Variants in TRAM2 observed in about 807,000 individuals in gnomAD.
TRAM2 encodes translocating chain-associated membrane protein 2.
A neutral mutation model predicts 51.0 loss-of-function variants in TRAM2; 12 were observed. The ratio of observed to expected loss-of-function variants is 0.24; its 90% CI spans 0.15 to 0.38. The LOEUF (loss-of-function observed/expected upper bound fraction) is 0.38. Among genes scored for constraint, TRAM2 ranks in the 10% least tolerant of loss-of-function variants. TRAM2 has a pLI of 1.00. For missense variants in TRAM2, 361 were observed against 462.0 expected (o/e 0.78, Z 2.00); for synonymous variants, 175 against 179.4 (o/e 0.98, Z 0.20).
chr6:52,504,561 C>A (rs1480377598), intron 10 of TRAM2, 30 bp downstream of exon 10: 1 of 1,613,056 alleles, frequency 6.2e-7, no homozygotes, highest in Non-Finnish European at 8.5e-7. Context: ...TTCCCTGGCT[C>A]CACTCTCTGC....
rs1376831111 is a variant in TRAM2, at chr6:52,570,277, G to A, written c.120+6519C>T. Among the ~76,000 whole-genome samples the A allele has an allele frequency of 3.3e-5, 5 of 152,090 alleles. No individual in the cohort carries two copies. In the South Asian group the frequency reaches 8.3e-4, roughly 25 times the overall value. On this transcript the variant is annotated intron_variant, in intron 1 of 10. Coordinates refer to ENST00000182527, the MANE Select transcript of TRAM2 (RefSeq NM_012288.4). ...GTGTTTGCTTATGTTCACACGTTTG[G>A]GTCACTCCCTGTAGTCTCTTTCAGG...
At chr6:52,561,956 G>A (rs892836000) in intron 1 of TRAM2, among the ~76,000 whole-genome samples, 8 of 152,100 alleles carry the variant, frequency 5.3e-5, no homozygotes, top group Non-Finnish European at 8.8e-5. Context: ...TTAGATAATG[G>A]CGATGTTGTA....
intron 4 of TRAM2, among the ~76,000 whole-genome samples, chr6:52,513,600 T>C (rs367958614): frequency 1.1e-4 from 16 of 152,108 alleles, no homozygotes; most frequent in African/African-American, 3.6e-4. Context: ...GAGTTGGCCA[T>C]GGGATGGCAG....
chr6:52,543,129 G>C (rs79920801), intron 1 of TRAM2, among the ~76,000 whole-genome samples: 30,509 of 151,598 alleles, frequency 0.2, 3,995 homozygotes, highest in Non-Finnish European at 0.29. Context: ...TGAAGTAAAT[G>C]TATTACTTCT....
rs1295831186 is a variant in TRAM2, at chr6:52,501,352, T to A, written c.*1845A>T. 6.6e-6 allele frequency: 1 copy of A among 152,206 alleles called. No individual in the cohort carries two copies. The highest frequency in any genetic ancestry group is 1.5e-5 in the Non-Finnish European group (1 of 68,038). 9.4% of individuals were successfully genotyped at this position (152,206 alleles called of 1,614,324 possible). A position where few individuals can be genotyped will look rare whatever the true frequency, so the allele number is the denominator to read the frequency against. On this transcript the variant is annotated 3_prime_UTR_variant, in exon 11 of 11. Coordinates refer to ENST00000182527, the MANE Select transcript of TRAM2 (RefSeq NM_012288.4). ...AGTTACTGGGAAGCTAAAATTTATC[T>A]ATGATGTAAGTGACTTGGAGAAGGG...
At chr6:52,519,774 T>A (rs1180762087) in intron 2 of TRAM2, among the ~76,000 whole-genome samples, 1 of 151,024 alleles carries the variant, frequency 6.6e-6, no homozygotes, top group Non-Finnish European at 1.5e-5. Context: ...ATAAACAACA[T>A]GTGCTGTATA....
At chr6:52,512,857 TA>T (rs1414332147) in intron 4 of TRAM2, among the ~76,000 whole-genome samples, 1 of 152,202 alleles carries the variant, frequency 6.6e-6, no homozygotes, top group African/African-American at 2.4e-5. Context: ...AAATCTGCCC[TA>T]AAGCAACTAG....
chr6:52,536,250 G>A (rs1340694678), intron 1 of TRAM2, among the ~76,000 whole-genome samples: 1 of 152,220 alleles, frequency 6.6e-6, no homozygotes. Context: ...ACCTAGCTGA[G>A]GTTTCCACAG....
chr6:52,575,247 G>A (rs1446053507), intron 1 of TRAM2, among the ~76,000 whole-genome samples: 1 of 152,116 alleles, frequency 6.6e-6, no homozygotes, highest in East Asian at 1.9e-4. Flanking sequence ...CTTTAATGAT[G>A]GGGAAACTGA....
intron 1 of TRAM2, among the ~76,000 whole-genome samples, chr6:52,543,210 A>C (rs1767135639): frequency 6.6e-6 from 1 of 152,204 alleles, no homozygotes; most frequent in African/African-American, 2.4e-5. Context: ...TCTAATACTT[A>C]CCACTTGATT....
At chr6:52,559,203 C>G (rs1370854067) in intron 1 of TRAM2, among the ~76,000 whole-genome samples, 2 of 152,232 alleles carry the variant, frequency 1.3e-5, no homozygotes, top group African/African-American at 4.8e-5. Context: ...CCCCAGCCCC[C>G]ACTGTCATCC....
At chr6:52,518,333 C>T (rs926806877) in intron 2 of TRAM2, among the ~76,000 whole-genome samples, 2 of 152,050 alleles carry the variant, frequency 1.3e-5, no homozygotes, top group African/African-American at 4.8e-5. Flanking sequence ...CTGCTGGGGG[C>T]GGAGGGGAGG....
At position 52,502,434 on chromosome 6, in the gene TRAM2, G is replaced by A. The variant is rs1766248907; in HGVS notation, c.*763C>T. On this transcript the variant is annotated 3_prime_UTR_variant, in exon 11 of 11. Coordinates refer to ENST00000182527, the MANE Select transcript of TRAM2 (RefSeq NM_012288.4). ...CTGCTCTCGCTCTAAGCAGTGGGAA[G>A]ACGTGTCCCCCCCCACAGAGCGACA... 1 of 37,854 alleles carries A rather than the reference G, an allele frequency of 2.6e-5. No homozygotes were observed. Among genetic ancestry groups the A allele is most frequent in the African/African-American group, 8.2e-5 (1 of 12,130 alleles). 2.3% of individuals were successfully genotyped at this position (37,854 alleles called of 1,614,324 possible).
chr6:52,572,507 G>A (rs1767697451), intron 1 of TRAM2, among the ~76,000 whole-genome samples: 1 of 152,226 alleles, frequency 6.6e-6, no homozygotes, highest in East Asian at 1.9e-4. Flanking sequence ...GAAGGCTAAG[G>A]CAAGAGAATC....
chr6:52,513,595 G>A (rs1766490969), intron 4 of TRAM2, among the ~76,000 whole-genome samples: 2 of 152,136 alleles, frequency 1.3e-5, no homozygotes, highest in Non-Finnish European at 2.9e-5. Context: ...AGAAGGAGTT[G>A]GCCATGGGAT....
In TRAM2 at chr6:52,499,153, G is replaced by A. The variant is rs1356767931; in HGVS notation, c.*4044C>T. 6.6e-6 allele frequency: 1 copy of A among 151,738 alleles called. No individual in the cohort carries two copies. The allele number at this position is 151,738 out of a possible 1,614,324, so 9.4% of individuals were successfully genotyped here. A position where few individuals can be genotyped will look rare whatever the true frequency, so the allele number is the denominator to read the frequency against. ...CTCACTGGGACAACCTTGAGCTGGA[G>A]AGAGATCCTATTTAGGTTTTCCAGT... On this transcript the variant is annotated 3_prime_UTR_variant, in exon 11 of 11. Coordinates refer to ENST00000182527, the MANE Select transcript of TRAM2 (RefSeq NM_012288.4).
At chr6:52,505,861 T>C (rs925198896) in intron 8 of TRAM2, 119 bp from the exon 9 acceptor site, 120 of 1,445,284 alleles carry the variant, frequency 8.3e-5, no homozygotes, top group Admixed American at 8.3e-4. Context: ...GGGAAAGTGC[T>C]TGAGGGACGA....
chr6:52,504,812 G>C, intron 9 of TRAM2, 58 bp from the exon 10 acceptor site: 1 of 1,515,246 alleles, frequency 6.6e-7, no homozygotes, highest in South Asian at 1.2e-5. Flanking sequence ...CCTTGGGCTG[G>C]GTTGTGCAGG....
chr6:52,521,726 TAAAACAAAAC>T (rs1766679380), intron 2 of TRAM2, among the ~76,000 whole-genome samples: 1 of 149,568 alleles, frequency 6.7e-6, no homozygotes, highest in African/African-American at 2.5e-5. Flanking sequence ...TAAAATAAAA[TAAAACAAAAC>T]AAAATAAAAT....
Sources: allele counts gnomAD v4.1 joint callset (sites outside exome capture counted in the v4.1 genomes callset), GRCh38; gene constraint gnomAD v4.1.1; transcripts MANE v1.5; gene names NCBI Gene and HGNC (gene_info 2026-07-23, HGNC 2026-07-21).